Variants in EEFSEC observed in about 807,000 individuals in gnomAD.
EEFSEC encodes selenocysteine-specific elongation factor.
In EEFSEC, 43 loss-of-function variants were observed where a neutral mutation model predicts 42.1. That is an observed-to-expected ratio of 1.02 (90% CI 0.80 to 1.32). The LOEUF is 1.32. Ranked by LOEUF, EEFSEC falls within the 40% of genes most tolerant of loss-of-function variation. EEFSEC has a pLI of 0.00. For synonymous variants in EEFSEC, 354 were observed against 339.1 expected, an observed-to-expected ratio of 1.04 and a Z score of -0.48; for missense variants, 745 against 803.6, an observed-to-expected ratio of 0.93 and a Z score of 0.88.
intron 1 of EEFSEC, among the ~76,000 whole-genome samples, chr3:128,205,513 C>A (rs1338233303): frequency 6.6e-6 from 1 of 152,190 alleles, no homozygotes. Flanking sequence ...ACAGTGAGAT[C>A]TGCCTAATAA....
At chr3:128,233,392 T>A (rs930092831) in intron 1 of EEFSEC, among the ~76,000 whole-genome samples, 4 of 152,186 alleles carry the variant, frequency 2.6e-5, no homozygotes, top group African/African-American at 9.7e-5. Flanking sequence ...TATCCATGGG[T>A]CTGGCAGAAA....
chr3:128,229,327 C>G (rs1040341062), intron 1 of EEFSEC, among the ~76,000 whole-genome samples: 1 of 152,322 alleles, frequency 6.6e-6, no homozygotes, highest in African/African-American at 2.4e-5. Context: ...GTGCTCTCCC[C>G]ACGTGGCCCC....
chr3:128,155,587 A>G (rs1944365531), intron 1 of EEFSEC, among the ~76,000 whole-genome samples: 1 of 152,228 alleles, frequency 6.6e-6, no homozygotes, highest in African/African-American at 2.4e-5. Flanking sequence ...TGCTGACCCC[A>G]GTACCTGATT....
At chr3:128,381,823 C>T (rs2067779858) in intron 6 of EEFSEC, among the ~76,000 whole-genome samples, 1 of 152,150 alleles carries the variant, frequency 6.6e-6, no homozygotes, top group South Asian at 2.1e-4. Context: ...TCAGAGTCTA[C>T]AGGGTAGCAG....
At chr3:128,424,443 G>C in the EEFSEC span, among the ~76,000 whole-genome samples, 1 of 152,122 alleles carries the variant, frequency 6.6e-6, no homozygotes, top group African/African-American at 2.4e-5. Flanking sequence ...GTGCAGTGGT[G>C]TGATCATGGC....
At chr3:128,363,920 C>T (rs1392753139) in intron 6 of EEFSEC, among the ~76,000 whole-genome samples, 1 of 152,138 alleles carries the variant, frequency 6.6e-6, no homozygotes, top group South Asian at 2.1e-4. Flanking sequence ...CTCAGCAATG[C>T]GGGCAGACAC....
intron 6 of EEFSEC, among the ~76,000 whole-genome samples, chr3:128,370,855 G>A (rs2067645379): frequency 6.6e-6 from 1 of 152,238 alleles, no homozygotes; most frequent in Non-Finnish European, 1.5e-5. Flanking sequence ...GTGAAGGTGG[G>A]AAGTTTTACC....
At chr3:128,338,194 GTGTACTACATA>G (rs1467063534) in intron 4 of EEFSEC, among the ~76,000 whole-genome samples, 1 of 152,198 alleles carries the variant, frequency 6.6e-6, no homozygotes, top group African/African-American at 2.4e-5. Context: ...GATTAGGAAT[GTGTACTACATA>G]TGTAGTGAGC....
At chr3:128,416,039 C>A in the EEFSEC span, among the ~76,000 whole-genome samples, 1 of 152,228 alleles carries the variant, frequency 6.6e-6, no homozygotes, top group Non-Finnish European at 1.5e-5. Context: ...TGTGGACACA[C>A]TGACCAGGCT....
chr3:128,172,782 T>C (rs1002385603), intron 1 of EEFSEC, among the ~76,000 whole-genome samples: 8 of 152,320 alleles, frequency 5.3e-5, no homozygotes, highest in East Asian at 1.9e-4. Flanking sequence ...CTTGGTCCCT[T>C]GGAGCATCTG....
intron 4 of EEFSEC, among the ~76,000 whole-genome samples, chr3:128,320,032 T>C (rs1304366625): frequency 6.6e-6 from 1 of 152,262 alleles, no homozygotes; most frequent in Non-Finnish European, 1.5e-5. Context: ...GGACACTGTT[T>C]ACAGTGTCCT....
intron 4 of EEFSEC, among the ~76,000 whole-genome samples, chr3:128,316,985 C>T (rs1429977230): frequency 6.6e-6 from 1 of 152,194 alleles, no homozygotes; most frequent in African/African-American, 2.4e-5. Flanking sequence ...TTAGTTCAGC[C>T]ACGATGCCTC....
chr3:128,225,682 T>C (rs545573564), intron 1 of EEFSEC, among the ~76,000 whole-genome samples: 2 of 152,336 alleles, frequency 1.3e-5, no homozygotes, highest in African/African-American at 4.8e-5. Flanking sequence ...TCTCCATCTC[T>C]ACTGCACTGT....
chr3:128,392,536 A>G (rs2067927163), intron 6 of EEFSEC, among the ~76,000 whole-genome samples: 1 of 152,190 alleles, frequency 6.6e-6, no homozygotes, highest in Non-Finnish European at 1.5e-5. Flanking sequence ...ATCTACTTCC[A>G]TGGGCCGAGG....
intron 6 of EEFSEC, among the ~76,000 whole-genome samples, chr3:128,405,867 G>A (rs573696900): frequency 6.6e-6 from 1 of 152,352 alleles, no homozygotes; most frequent in Non-Finnish European, 1.5e-5. Context: ...GGCCCTTTGT[G>A]CACATGGGGA....
chr3:128,249,862 G>A (rs1402867920), intron 2 of EEFSEC, among the ~76,000 whole-genome samples: 1 of 151,984 alleles, frequency 6.6e-6, no homozygotes, highest in Non-Finnish European at 1.5e-5. Context: ...TTGCTTCCTG[G>A]CTACTGTGAA....
At chr3:128,418,465 C>T in the EEFSEC span, among the ~76,000 whole-genome samples, 1 of 152,170 alleles carries the variant, frequency 6.6e-6, no homozygotes, top group East Asian at 1.9e-4. Context: ...TCCAACACAT[C>T]CCAATCTGAC....
chr3:128,390,789 A>G (rs2067903340), intron 6 of EEFSEC, among the ~76,000 whole-genome samples: 1 of 152,070 alleles, frequency 6.6e-6, no homozygotes, highest in Non-Finnish European at 1.5e-5. Context: ...CCACACAAAC[A>G]CACCCTCATA....
chr3:128,293,675 A>AAAAAAAAAAAC (rs1559906628), intron 4 of EEFSEC, among the ~76,000 whole-genome samples: 1 of 150,008 alleles, frequency 6.7e-6, no homozygotes, highest in Non-Finnish European at 1.5e-5. Context: ...AAAAAAAAAA[A>AAAAAAAAAAAC]AAAAAAAAAA....
Sources: allele counts gnomAD v4.1 joint callset (sites outside exome capture counted in the v4.1 genomes callset), GRCh38; gene constraint gnomAD v4.1.1; transcripts MANE v1.5; gene names NCBI Gene and HGNC (gene_info 2026-07-23, HGNC 2026-07-21).